PBX3: variants seen among roughly 807,000 people sequenced by gnomAD.
PBX3 encodes PBX homeobox 3, also known as pre-B-cell leukemia transcription factor 3.
In PBX3, 14 loss-of-function variants were observed where a neutral mutation model predicts 48.5. The observed-to-expected ratio is 0.29, with a 90% CI of 0.19 to 0.45. The LOEUF (loss-of-function observed/expected upper bound fraction) is 0.45, where lower values mean the gene tolerates loss of function less well. Among genes scored for constraint, PBX3 ranks in the 20% least tolerant of loss-of-function variants. The pLI is 1.00. For synonymous variants in PBX3, 210 were observed against 200.3 expected, an observed-to-expected ratio of 1.05 and a Z score of -0.41; for missense variants, 386 against 546.7, an observed-to-expected ratio of 0.71 and a Z score of 2.93.
intron 2 of PBX3, among the ~76,000 whole-genome samples, chr9:125,790,295 C>A (rs1033554477): frequency 6.6e-6 from 1 of 151,786 alleles, no homozygotes; most frequent in African/African-American, 2.4e-5. Flanking sequence ...CTCTGTCACC[C>A]AGGCTGGAGT....
At chr9:125,908,340 A>C (rs1253316097) in intron 2 of PBX3, among the ~76,000 whole-genome samples, 1 of 152,046 alleles carries the variant, frequency 6.6e-6, no homozygotes, top group South Asian at 2.1e-4. Flanking sequence ...ACAGCATGGC[A>C]GTGATCTTAA....
chr9:125,797,059 T>G (rs889787199), intron 2 of PBX3, among the ~76,000 whole-genome samples: 8 of 152,124 alleles, frequency 5.3e-5, no homozygotes, highest in African/African-American at 1.9e-4. Context: ...GAACGTTTAT[T>G]TGTCTTATTT....
chr9:125,837,164 C>A (rs1839161544), intron 2 of PBX3, among the ~76,000 whole-genome samples: 1 of 152,032 alleles, frequency 6.6e-6, no homozygotes, highest in African/African-American at 2.4e-5. Context: ...TATGTTACTC[C>A]TATTCAGTCT....
At chr9:125,883,473 G>T (rs747478258) in intron 2 of PBX3, among the ~76,000 whole-genome samples, 19 of 152,154 alleles carry the variant, frequency 1.2e-4, no homozygotes, top group Admixed American at 2.0e-4. Flanking sequence ...GGCCAAGTTG[G>T]TAACCTTCTT....
intron 2 of PBX3, among the ~76,000 whole-genome samples, chr9:125,809,491 T>C (rs566020185): frequency 3.7e-4 from 56 of 152,236 alleles, no homozygotes; most frequent in African/African-American, 1.2e-3. Flanking sequence ...ATCATTTGGT[T>C]ATTTTTATAA....
intron 5 of PBX3, among the ~76,000 whole-genome samples, chr9:125,958,963 C>T (rs1209630711): frequency 1.3e-5 from 2 of 152,158 alleles, no homozygotes; most frequent in Non-Finnish European, 2.9e-5. Flanking sequence ...ATGTCACATA[C>T]ACCATGTAAG....
intron 2 of PBX3, among the ~76,000 whole-genome samples, chr9:125,892,202 C>T (rs1840663272): frequency 6.6e-6 from 1 of 152,164 alleles, no homozygotes; most frequent in Non-Finnish European, 1.5e-5. Flanking sequence ...GGATTAGAGG[C>T]ATGAGCCACC....
chr9:125,768,803 A>G (rs1836866172), intron 2 of PBX3, among the ~76,000 whole-genome samples: 1 of 152,200 alleles, frequency 6.6e-6, no homozygotes. Context: ...AAGATTTCAT[A>G]CTCACAGTGG....
At chr9:125,783,388 A>G (rs1244133687) in intron 2 of PBX3, among the ~76,000 whole-genome samples, 3 of 151,942 alleles carry the variant, frequency 2.0e-5, no homozygotes, top group African/African-American at 4.8e-5. Flanking sequence ...CCTGGGTTCA[A>G]GTGATTCTCC....
At chr9:125,747,788 G>T (rs1482016419) in intron 1 of PBX3, 135 bp downstream of exon 1, 2 of 625,092 alleles carry the variant, frequency 3.2e-6, no homozygotes, top group East Asian at 3.6e-5. Flanking sequence ...CCGGCCGCCC[G>T]CCCCGGCCTC....
chr9:125,875,397 C>A (rs1235988942), intron 2 of PBX3, among the ~76,000 whole-genome samples: 1 of 152,048 alleles, frequency 6.6e-6, no homozygotes, highest in African/African-American at 2.4e-5. Context: ...TTAATCATTT[C>A]CATCTTCTGG....
At chr9:125,936,012 T>C (rs544815582) in intron 5 of PBX3, among the ~76,000 whole-genome samples, 3 of 152,338 alleles carry the variant, frequency 2.0e-5, no homozygotes, top group South Asian at 2.1e-4. Context: ...TATAACTCTT[T>C]GGTGAAAGCT....
intron 4 of PBX3, among the ~76,000 whole-genome samples, chr9:125,931,598 T>C (rs1841717048): frequency 6.6e-6 from 1 of 152,204 alleles, no homozygotes; most frequent in African/African-American, 2.4e-5. Context: ...CAACTATTAA[T>C]TTTCATATAA....
At chr9:125,962,895 G>A (rs1186129643) in intron 7 of PBX3, 117 bp from the exon 8 acceptor site, 1 of 457,022 alleles carries the variant, frequency 2.2e-6, no homozygotes, top group Non-Finnish European at 4.0e-6. Context: ...TGATAAATTT[G>A]TCTTTCATTG....
At chr9:125,950,127 C>T (rs1842161536) in intron 5 of PBX3, among the ~76,000 whole-genome samples, 1 of 152,190 alleles carries the variant, frequency 6.6e-6, no homozygotes, top group African/African-American at 2.4e-5. Context: ...AGAGGCACCC[C>T]TCAGCACGTG....
intron 2 of PBX3, among the ~76,000 whole-genome samples, chr9:125,838,679 T>C (rs1839206607): frequency 6.6e-6 from 1 of 152,240 alleles, no homozygotes; most frequent in African/African-American, 2.4e-5. Flanking sequence ...ATTTACAAGA[T>C]TAAATTGGTT....
chr9:125,821,493 T>G (rs1293427799), intron 2 of PBX3, among the ~76,000 whole-genome samples: 1 of 152,098 alleles, frequency 6.6e-6, no homozygotes, highest in Non-Finnish European at 1.5e-5. Flanking sequence ...GAAGACAAGA[T>G]CATATTAATT....
At chr9:125,765,259 G>A (rs1213937104) in intron 2 of PBX3, among the ~76,000 whole-genome samples, 1 of 150,278 alleles carries the variant, frequency 6.7e-6, no homozygotes, top group Non-Finnish European at 1.5e-5. Flanking sequence ...AGTGATCCTC[G>A]CACCTCAGCC....
At chr9:125,751,012 C>A (rs1368993314) in intron 2 of PBX3, among the ~76,000 whole-genome samples, 1 of 152,078 alleles carries the variant, frequency 6.6e-6, no homozygotes, top group African/African-American at 2.4e-5. Flanking sequence ...AATTCCAAGC[C>A]CCCCCACTCC....
Sources: allele counts gnomAD v4.1 joint callset (sites outside exome capture counted in the v4.1 genomes callset), GRCh38; gene constraint gnomAD v4.1.1; transcripts MANE v1.5; gene names NCBI Gene and HGNC (gene_info 2026-07-23, HGNC 2026-07-21).